Variants in NSMAF observed in about 807,000 individuals in gnomAD.
The protein encoded by NSMAF is neutral sphingomyelinase activation associated factor.
NSMAF carries 90 observed loss-of-function variants against 134.9 expected under a neutral mutation model. The ratio of observed to expected loss-of-function variants is 0.67; its 90% CI spans 0.56 to 0.79. The LOEUF is 0.79. Among genes scored for constraint, NSMAF ranks in the 30% least tolerant of loss-of-function variants. NSMAF has a pLI of 0.00. For synonymous variants in NSMAF, 358 were observed against 389.6 expected, an observed-to-expected ratio of 0.92 and a Z score of 0.96; for missense variants, 1,010 against 1,119.0, an observed-to-expected ratio of 0.90 and a Z score of 1.39.
intron 21 of NSMAF, 39 bp from the exon 22 acceptor site, chr8:58,595,698 GT>G: frequency 8.3e-7 from 1 of 1,209,316 alleles, no homozygotes; most frequent in Non-Finnish European, 1.2e-6. Context: ...AGTCAACTAA[GT>G]TACCAACAGA....
chr8:58,615,921 A>AT (rs1467593057), intron 9 of NSMAF, among the ~76,000 whole-genome samples: 3 of 152,098 alleles, frequency 2.0e-5, no homozygotes, highest in Non-Finnish European at 2.9e-5. Flanking sequence ...GGCAATACTG[A>AT]TTTTTTTTAA....
At position 58,653,786 on chromosome 8, in the gene NSMAF, A is replaced by AGTC. The variant is rs576083623; in HGVS notation, c.59+5786_59+5787insGAC. ...AGAAAAATAGCACTGAATTCCTTAA[A>AGTC]TGACCATTCCTATTTTATATCACAC... On this transcript the variant is annotated intron_variant, in intron 1 of 30. Transcript: ENST00000038176. Among the ~76,000 whole-genome samples the AGTC allele has an allele frequency of 3.2e-3, 495 of 152,326 alleles. 2 individuals carry two copies. Among genetic ancestry groups the AGTC allele is most frequent in the African/African-American group, 0.011 (470 of 41,574 alleles).
chr8:58,585,826 A>T (rs1805871182), intron 29 of NSMAF, 65 bp from the exon 30 acceptor site: 10 of 1,579,830 alleles, frequency 6.3e-6, no homozygotes, highest in South Asian at 3.3e-5. Flanking sequence ...GAACTGGCCA[A>T]TGTAAGCCCA....
At position 58,631,478 on chromosome 8, in the gene NSMAF, A is replaced by G. The variant is rs374896128; in HGVS notation, c.384+18T>C. 20 of 1,443,848 alleles carry G rather than the reference A, an allele frequency of 1.4e-5. No individual in the cohort carries two copies. The highest frequency in any genetic ancestry group is 1.8e-5 in the Non-Finnish European group (19 of 1,058,168). 89.4% of individuals were successfully genotyped at this position (1,443,848 alleles called of 1,614,324 possible). A position where few individuals can be genotyped will look rare whatever the true frequency, so the allele number is the denominator to read the frequency against. On this transcript the variant is annotated intron_variant, in intron 6 of 30. Transcript: ENST00000038176. ...TGACTATATAAATTGCTGGAAATACATGAAAAGCTTTACTTACCCTTTCTA... is the reference window on the plus strand; with the variant it reads ...TGACTATATAAATTGCTGGAAATACGTGAAAAGCTTTACTTACCCTTTCTA...
At chr8:58,658,536 G>A (rs969820082) in intron 1 of NSMAF, among the ~76,000 whole-genome samples, 8 of 152,186 alleles carry the variant, frequency 5.3e-5, no homozygotes, top group African/African-American at 1.9e-4. Flanking sequence ...AAATCTTGAA[G>A]TCTGCACTTG....
In NSMAF at chr8:58,583,993, A is replaced by C. The variant is rs935003323; in HGVS notation, c.*113T>G. ...GAAAGTTTAAAACCACAAATTTTCC[A>C]TGTGGTAAAACTTCTAATTACTAAC... On this transcript the variant is annotated 3_prime_UTR_variant, in exon 31 of 31. Transcript: ENST00000038176. The C allele has an allele frequency of 3.2e-5, 27 of 831,804 alleles. No homozygotes were observed. Among genetic ancestry groups the C allele is most frequent in the Non-Finnish European group, 4.8e-5 (24 of 499,704 alleles). 51.5% of individuals were successfully genotyped at this position (831,804 alleles called of 1,614,324 possible).
Position 58,623,154 on chromosome 8 carries a change from T to G in NSMAF, c.557+66A>C. 6.5e-6 allele frequency: 8 copies of G among 1,225,652 alleles called. No homozygotes were observed. In the South Asian group the frequency reaches 9.9e-5, roughly 15 times the overall value. 75.9% of individuals were successfully genotyped at this position (1,225,652 alleles called of 1,614,324 possible). A position where few individuals can be genotyped will look rare whatever the true frequency, so the allele number is the denominator to read the frequency against. On this transcript the variant is annotated intron_variant, in intron 9 of 30. Transcript: ENST00000038176. ...ATGATGACAGCAGGCTTGGATTTGC[T>G]GAATGAGGCATACAGATGAAAATGT... is the stretch of plus-strand genomic sequence containing the variant.
Position 58,587,604 on chromosome 8 carries a change from T to C in NSMAF, c.2295+14A>G, listed in dbSNP as rs776017461. 2.5e-6 allele frequency: 4 copies of C among 1,612,032 alleles called. No individual in the cohort carries two copies. Among genetic ancestry groups the C allele is most frequent in the Middle Eastern group, 1.6e-4 (1 of 6,082 alleles). Reference sequence around the variant, plus strand: ...TAAGGTCAGTTTTCTGTACAGTTTGTTGCTGGTACTCACACTGACATCATG... The same window carrying C: ...TAAGGTCAGTTTTCTGTACAGTTTGCTGCTGGTACTCACACTGACATCATG... On this transcript the variant is annotated intron_variant, in intron 27 of 30. Transcript: ENST00000038176.
chr8:58,635,282 A>T, intron 4 of NSMAF, 23 bp downstream of exon 4: 1 of 1,609,504 alleles, frequency 6.2e-7, no homozygotes, highest in East Asian at 2.2e-5. Context: ...AAGTAAAATT[A>T]AACAGTGGTG....
intron 24 of NSMAF, among the ~76,000 whole-genome samples, chr8:58,590,596 T>TA (rs968274408): frequency 7.9e-5 from 12 of 152,266 alleles, no homozygotes; most frequent in African/African-American, 2.9e-4. Flanking sequence ...GTCTGACAGC[T>TA]AAAAAAGGGA....
In NSMAF at chr8:58,609,670, C is replaced by CA; in HGVS notation, c.620dup (p.Thr208AspfsTer2). On this transcript the variant is annotated frameshift_variant, in exon 10 of 31. Transcript: ENST00000038176. LOFTEE classifies it high-confidence loss of function. ...TGATGCACACGTGTCCAGGATTAGTCACCAGAGGCGTCACCATTTCTGCTT... is the reference window on the plus strand; with the variant it reads ...TGATGCACACGTGTCCAGGATTAGTCAACCAGAGGCGTCACCATTTCTGCTT... The CA allele has an allele frequency of 6.2e-7, 1 of 1,614,150 alleles. No individual in the cohort carries two copies. Among genetic ancestry groups the CA allele is most frequent in the Non-Finnish European group, 8.5e-7 (1 of 1,180,010 alleles).
At chr8:58,609,524 G>A (rs1369538337) in intron 10 of NSMAF, 80 bp downstream of exon 10, 3 of 1,454,948 alleles carry the variant, frequency 2.1e-6, no homozygotes, top group African/African-American at 2.8e-5. Context: ...CAAAAAGTGA[G>A]GTCCCTGGCA....
chr8:58,643,636 A>AT (rs1807383274), intron 1 of NSMAF, among the ~76,000 whole-genome samples: 2 of 151,792 alleles, frequency 1.3e-5, no homozygotes, highest in Non-Finnish European at 2.9e-5. Context: ...GGTTCAAGTA[A>AT]TTCTCCTGCC....
At chr8:58,656,516 T>C (rs890900420) in intron 1 of NSMAF, among the ~76,000 whole-genome samples, 13 of 152,116 alleles carry the variant, frequency 8.5e-5, no homozygotes, top group African/African-American at 3.1e-4. Context: ...TTCAGATAAA[T>C]AATATACTTT....
At chr8:58,643,186 C>T (rs1807373692) in intron 1 of NSMAF, 113 bp from the exon 2 acceptor site, 1 of 767,536 alleles carries the variant, frequency 1.3e-6, no homozygotes, top group African/African-American at 1.7e-5. Context: ...ATTTAACAAA[C>T]ATTTATGAAG....
intron 23 of NSMAF, 50 bp downstream of exon 23, chr8:58,594,182 C>T: frequency 6.6e-7 from 1 of 1,523,306 alleles, no homozygotes; most frequent in Non-Finnish European, 9.1e-7. Context: ...ATAAAGAACT[C>T]AGACATTCTA....
intron 6 of NSMAF, among the ~76,000 whole-genome samples, chr8:58,630,931 C>T (rs1807043561): frequency 6.6e-6 from 1 of 152,170 alleles, no homozygotes; most frequent in Non-Finnish European, 1.5e-5. Context: ...CCTGTAAAAA[C>T]TCTCTTTTAG....
intron 10 of NSMAF, 98 bp from the exon 11 acceptor site, chr8:58,607,938 T>C: frequency 1.0e-6 from 1 of 994,284 alleles, no homozygotes; most frequent in Non-Finnish European, 1.6e-6. Flanking sequence ...CACCAAATCT[T>C]GCTTTCCTAA....
chr8:58,594,411 C>T, intron 22 of NSMAF, 121 bp from the exon 23 acceptor site: 1 of 840,568 alleles, frequency 1.2e-6, no homozygotes, highest in Non-Finnish European at 1.9e-6. Context: ...AGCATGTCTG[C>T]CGGATCTGTC....
Sources: allele counts gnomAD v4.1 joint callset (sites outside exome capture counted in the v4.1 genomes callset), GRCh38; gene constraint gnomAD v4.1.1; transcripts MANE v1.5; gene names NCBI Gene and HGNC (gene_info 2026-07-23, HGNC 2026-07-21).